SLC5A9: variants seen among roughly 807,000 people sequenced by gnomAD.
The protein encoded by SLC5A9 is solute carrier family 5 member 9, also known as sodium/glucose cotransporter 4.
In SLC5A9, 59 loss-of-function variants were observed where a neutral mutation model predicts 70.9. The ratio of observed to expected loss-of-function variants is 0.83; its 90% CI spans 0.68 to 1.03. SLC5A9 has a LOEUF of 1.03. SLC5A9 is among the 50% of genes least tolerant of loss of function. The pLI is 0.00. For synonymous variants in SLC5A9, 340 were observed against 346.5 expected, an observed-to-expected ratio of 0.98 and a Z score of 0.21; for missense variants, 832 against 881.1, an observed-to-expected ratio of 0.94 and a Z score of 0.71.
At chr1:48,233,086 G>A (rs930888583) in intron 8 of SLC5A9, among the ~76,000 whole-genome samples, 1 of 151,994 alleles carries the variant, frequency 6.6e-6, no homozygotes, top group African/African-American at 2.4e-5. Context: ...AAGAAGGCCA[G>A]GCATGGTGGC....
At chr1:48,227,272 AGTGT>A (rs72024467) in intron 2 of SLC5A9, among the ~76,000 whole-genome samples, 59 of 101,754 alleles carry the variant, frequency 5.8e-4, no homozygotes, top group African/African-American at 1.7e-3. Context: ...TGTGTGTCAG[AGTGT>A]GTGTGTGTAT....
At chr1:48,233,389 TA>T (rs1557475417) in intron 8 of SLC5A9, among the ~76,000 whole-genome samples, 4 of 115,658 alleles carry the variant, frequency 3.5e-5, no homozygotes, top group Non-Finnish European at 3.5e-5. Flanking sequence ...AAAAAAAAGA[TA>T]GAAAAGAACA....
intron 1 of SLC5A9, 25 bp from the exon 2 acceptor site, chr1:48,224,699 C>CGTGG: frequency 6.2e-7 from 1 of 1,610,810 alleles, no homozygotes; most frequent in South Asian, 1.1e-5. Context: ...TTGAGAAATC[C>CGTGG]TCATCTCATC....
At position 48,244,880 on chromosome 1, in the gene SLC5A9, A is replaced by ATG. The variant is rs1370173435; in HGVS notation, c.1837+2265_1837+2266insGT. Among the ~76,000 whole-genome samples, 3 of 37,568 alleles carry ATG rather than the reference A, an allele frequency of 8.0e-5. 1 individual carries two copies. The highest frequency in any genetic ancestry group is 2.6e-4 in the African/African-American group (3 of 11,340). 24.6% of individuals were successfully genotyped at this position (37,568 alleles called of 152,430 possible). On this transcript the variant is annotated intron_variant, in intron 13 of 13. Transcript: ENST00000438567. ...TGTGTGTGTATGTATGTGTATGTGT[A>ATG]TATATATATATATATATATATATAT...
Position 48,222,792 on chromosome 1 carries a change from C to A in SLC5A9, c.56C>A (p.Thr19Asn). 6.2e-7 allele frequency: 1 copy of A among 1,614,178 alleles called. No homozygotes were observed. Among genetic ancestry groups the A allele is most frequent in the Non-Finnish European group, 8.5e-7 (1 of 1,180,030 alleles). ...GPGASGDGVR[T>N]ETAPHIALDS... is the part of the protein sequence containing the mutation. Reference sequence around the variant, plus strand: ...GGAGCTTCAGGGGACGGGGTCAGGACTGAGACAGCTCCACACATAGCACTG... The same window carrying A: ...GGAGCTTCAGGGGACGGGGTCAGGAATGAGACAGCTCCACACATAGCACTG... Residue 19 changes from threonine (T) to asparagine (N), a missense_variant, in exon 1 of 14, where the codon ACT becomes AAT. Physicochemically the swap from Thr to Asn is moderately conservative, Grantham distance 65. Coordinates refer to ENST00000438567, the MANE Select transcript of SLC5A9 (RefSeq NM_001011547.3).
chr1:48,241,908 G>A (rs943046235), intron 12 of SLC5A9: 2 of 456,032 alleles, frequency 4.4e-6, no homozygotes, highest in Non-Finnish European at 8.8e-6. Context: ...GTCAGTCATG[G>A]TGTCCTGATT....
Position 48,233,695 on chromosome 1 carries a change from C to A in SLC5A9, c.1074C>A (p.Ile358=). The A allele has an allele frequency of 6.2e-7, 1 of 1,614,130 alleles. No homozygotes were observed. The highest frequency in any genetic ancestry group is 8.5e-7 in the Non-Finnish European group (1 of 1,180,024). The part of the protein sequence containing the change: ...GCVDPDVCQR[I]CGARVGCSNI... The stretch of plus-strand genomic sequence containing the variant: ...TGGACCCTGATGTCTGCCAAAGAAT[C>A]TGTGGGGCCCGAGTGGGATGTTCCA... Residue 358 remains isoleucine (I), a synonymous_variant, in exon 9 of 14, where the codon ATC becomes ATA. Transcript: ENST00000438567.
intron 3 of SLC5A9, 90 bp downstream of exon 3, chr1:48,229,044 C>T (rs1644206646): frequency 3.1e-6 from 5 of 1,613,718 alleles, no homozygotes; most frequent in Non-Finnish European, 4.2e-6. Flanking sequence ...CTTAGAGATG[C>T]CTGGGAGGCT....
chr1:48,231,552 C>T lies in SLC5A9; in HGVS notation c.618C>T (p.Leu206=), dbSNP rs1644247417. The T allele has an allele frequency of 1.3e-6, 2 of 1,533,534 alleles. No homozygotes were observed. Among genetic ancestry groups the T allele is most frequent in the East Asian group, 2.4e-5 (1 of 42,314 alleles). The allele number at this position is 1,533,534 out of a possible 1,614,324, so 95.0% of individuals were successfully genotyped here. Residue 206 remains leucine (L), a synonymous_variant, in exon 6 of 14, where the codon CTC becomes CTT. Transcript: ENST00000438567. ...CTCTCCTTGGGTCCCCAGGTGGCCTCATGGCCGTGATCTACACAGATGCTC... is the reference window on the plus strand; with the variant it reads ...CTCTCCTTGGGTCCCCAGGTGGCCTTATGGCCGTGATCTACACAGATGCTC... ...VTAVYTIAGG[L]MAVIYTDALQ...
At position 48,229,445 on chromosome 1, in the gene SLC5A9, T is replaced by A. The variant is rs1368958065; in HGVS notation, c.490T>A (p.Phe164Ile). ...TGTCCTGTCTCTCATCCTCTACATCTTCACCAAGATCTCGGTAGGTGTCAC... is the reference window on the plus strand; with the variant it reads ...TGTCCTGTCTCTCATCCTCTACATCATCACCAAGATCTCGGTAGGTGTCAC... Reference protein sequence around the residue: ...MSVLSLILYIFTKISTDIFSG... With the variant: ...MSVLSLILYIITKISTDIFSG... Residue 164 changes from phenylalanine to isoleucine, a missense_variant, in exon 4 of 14, where the codon TTC becomes ATC. Coordinates refer to ENST00000438567, the MANE Select transcript of SLC5A9 (RefSeq NM_001011547.3). 6.2e-7 allele frequency: 1 copy of A among 1,614,018 alleles called. No individual in the cohort carries two copies. Among genetic ancestry groups the A allele is most frequent in the Non-Finnish European group, 8.5e-7 (1 of 1,179,960 alleles).
At position 48,237,682 on chromosome 1, in the gene SLC5A9, G is replaced by A; in HGVS notation, c.1296G>A (p.Val432=). The A allele has an allele frequency of 6.2e-7, 1 of 1,613,932 alleles. No individual in the cohort carries two copies. Among genetic ancestry groups the A allele is most frequent in the Non-Finnish European group, 8.5e-7 (1 of 1,179,948 alleles). ...TEQELMVVGR[V]FVVFLVVISI... The stretch of plus-strand genomic sequence containing the variant: ...TGCCCTGTGCTCTCTCTGGCAGAGT[G>A]TTTGTGGTGTTCCTGGTTGTCATCA... The change falls in exon 11 of 14, where the codon GTG becomes GTA. Residue 432 remains valine (V), a synonymous_variant. Coordinates refer to ENST00000438567, the MANE Select transcript of SLC5A9 (RefSeq NM_001011547.3).
At chr1:48,233,621 T>C (rs1644287524) in intron 8 of SLC5A9, 34 bp from the exon 9 acceptor site, 8 of 1,562,070 alleles carry the variant, frequency 5.1e-6, no homozygotes, top group Non-Finnish European at 5.3e-6. Context: ...AGGCACGAGA[T>C]CACGGACTCT....
intron 7 of SLC5A9, 76 bp downstream of exon 7, chr1:48,232,227 T>C (rs1644259522): frequency 5.1e-6 from 8 of 1,561,808 alleles, no homozygotes; most frequent in Non-Finnish European, 6.1e-6. Context: ...AGTGCCTGGA[T>C]GCATAGAGGG....
chr1:48,245,185 C>T (rs1327687679), intron 13 of SLC5A9, among the ~76,000 whole-genome samples: 1 of 151,144 alleles, frequency 6.6e-6, no homozygotes, highest in Non-Finnish European at 1.5e-5. Flanking sequence ...AGAGCATGAG[C>T]TTTTGTAGAT....
chr1:48,239,408 G>A lies in SLC5A9; in HGVS notation c.1548G>A (p.Gly516=), dbSNP rs1329460371. 1.9e-6 allele frequency: 3 copies of A among 1,614,180 alleles called. No homozygotes were observed. The highest frequency in any genetic ancestry group is 2.2e-5 in the East Asian group (1 of 44,870). The change falls in exon 12 of 14, where the codon GGG becomes GGA. Residue 516 remains glycine (G), a synonymous_variant. Coordinates refer to ENST00000438567, the MANE Select transcript of SLC5A9 (RefSeq NM_001011547.3). The surrounding 1 kb of genome is among the most constrained non-coding windows in gnomAD (Gnocchi z 4.2). The part of the protein sequence containing the change: ...LEFSYPAPAC[G]EVDRRPAVLK... ...TCTCATACCCAGCGCCAGCCTGTGG[G>A]GAGGTGGACCGGAGGCCAGCAGTGC...
At position 48,228,869 on chromosome 1, in the gene SLC5A9, C is replaced by T. The variant is rs769519692; in HGVS notation, c.254C>T (p.Ser85Phe). 46 of 1,613,712 alleles carry T rather than the reference C, an allele frequency of 2.9e-5. 1 individual carries two copies. The South Asian group carries it at 4.7e-4, about 17-fold the overall frequency. Residue 85 changes from serine to phenylalanine, a missense_variant, in exon 3 of 14, where the codon TCC becomes TTC. Transcript: ENST00000438567. The stretch of plus-strand genomic sequence containing the variant: ...TTGCAGATTGGAGCATCTCTGATGT[C>T]CAGCAATGTGGGCAGTGGCTTGTTC... ...SWWPIGASLMSSNVGSGLFIG... is the reference protein window; with the variant it reads ...SWWPIGASLMFSNVGSGLFIG...
At chr1:48,246,984 C>T (rs920600976) in intron 13 of SLC5A9, among the ~76,000 whole-genome samples, 1 of 152,198 alleles carries the variant, frequency 6.6e-6, no homozygotes, top group Non-Finnish European at 1.5e-5. Context: ...ATGCTCCTTC[C>T]TTCTTCCCTT....
Position 48,232,094 on chromosome 1 carries a change from G to T in SLC5A9, c.840G>T (p.Trp280Cys), listed in dbSNP as rs61997217. ...LRDPVSGDIP[W>C]PGLIFGLTVL... ...ACCCTGTGAGCGGGGACATCCCTTG[G>T]CCAGGTCTCATTTTCGGGCTCACAG... The change falls in exon 7 of 14, where the codon TGG (tryptophan) becomes TGT (cysteine). Residue 280 changes from tryptophan to cysteine, a missense_variant. Trp to Cys is a radical substitution (Grantham distance 215). Transcript: ENST00000438567. 6.2e-7 allele frequency: 1 copy of T among 1,614,144 alleles called. No homozygotes were observed. The highest frequency in any genetic ancestry group is 8.5e-7 in the Non-Finnish European group (1 of 1,180,006).
At chr1:48,240,760 C>T (rs1644381887) in intron 12 of SLC5A9, among the ~76,000 whole-genome samples, 1 of 152,188 alleles carries the variant, frequency 6.6e-6, no homozygotes, top group African/African-American at 2.4e-5. Context: ...TCCCTCTCCT[C>T]CCTTCAACAG....
Sources: allele counts gnomAD v4.1 joint callset (sites outside exome capture counted in the v4.1 genomes callset), GRCh38; gene constraint gnomAD v4.1.1; non-coding constraint Gnocchi (gnomAD v3.1); transcripts MANE v1.5; gene names NCBI Gene and HGNC (gene_info 2026-07-23, HGNC 2026-07-21).